SRRM2: variants seen among roughly 807,000 people sequenced by gnomAD.
The protein encoded by SRRM2 is serine/arginine repetitive matrix 2.
SRRM2 carries 30 observed loss-of-function variants against 213.8 expected under a neutral mutation model. The observed-to-expected ratio is 0.14, with a 90% CI of 0.10 to 0.19. SRRM2 has a LOEUF of 0.19. Among genes scored for constraint, SRRM2 ranks in the 10% least tolerant of loss-of-function variants. The pLI, the probability that SRRM2 is intolerant of heterozygous loss-of-function variation, is 1.00. For missense variants in SRRM2, 4,904 were observed against 3,647.0 expected, an observed-to-expected ratio of 1.34 and a Z score of -8.88; for synonymous variants, 2,025 against 1,377.7, an observed-to-expected ratio of 1.47 and a Z score of -10.40.
At chr16:2,759,974 TC>T in intron 9 of SRRM2, 5 of 531,790 alleles carry the variant, frequency 9.4e-6, no homozygotes, top group African/African-American at 1.9e-5. Context: ...GCTTCCTTAA[TC>T]GGGGAAGGCT....
At chr16:2,769,428 C>T in intron 12 of SRRM2, 144 bp downstream of exon 12, 1 of 954,086 alleles carries the variant, frequency 1.0e-6, no homozygotes, top group Non-Finnish European at 1.6e-6. Flanking sequence ...GCTCTCCTCT[C>T]CCCATGCTCG....
chr16:2,768,512 A>G, intron 11 of SRRM2: 1 of 686,420 alleles, frequency 1.5e-6, no homozygotes, highest in Non-Finnish European at 2.7e-6. Flanking sequence ...CAGAGGACAG[A>G]ACTAGAGGAA....
intron 14 of SRRM2, 25 bp from the exon 15 acceptor site, chr16:2,770,833 T>C: frequency 1.2e-6 from 2 of 1,614,016 alleles, no homozygotes; most frequent in Non-Finnish European, 1.7e-6. Context: ...GGGAACTCCC[T>C]GTTGACCCAT....
Position 2,766,643 on chromosome 16 carries a change from C to G in SRRM2, c.6115C>G (p.Arg2039Gly). ...TAGATCTCGAACGCCACTGTTACCACGCAAACGTTCTCGAAGTCGCTCACC... is the reference window on the plus strand; with the variant it reads ...TAGATCTCGAACGCCACTGTTACCAGGCAAACGTTCTCGAAGTCGCTCACC... ...RSRSRTPLLP[R>G]KRSRSRSPLA... The change falls in exon 11 of 15, where the codon CGC (arginine) becomes GGC (glycine). Residue 2039 changes from arginine to glycine, a missense_variant. Arg to Gly is a moderately radical substitution (Grantham distance 125). Transcript: ENST00000301740. This position sits in a 1 kb window ranked among gnomAD's most constrained non-coding sequence, Gnocchi z 7.0. The G allele has an allele frequency of 6.2e-7, 1 of 1,613,830 alleles. No homozygotes were observed. Among genetic ancestry groups the G allele is most frequent in the South Asian group, 1.1e-5 (1 of 91,064 alleles).
chr16:2,757,103 T>C (rs1021220081), intron 2 of SRRM2, among the ~76,000 whole-genome samples: 7 of 152,286 alleles, frequency 4.6e-5, no homozygotes, highest in Middle Eastern at 6.8e-3. Context: ...GAAAACTCTT[T>C]TAGAGCAGTG....
chr16:2,756,723 G>C, intron 2 of SRRM2, 117 bp downstream of exon 2: 1 of 1,403,884 alleles, frequency 7.1e-7, no homozygotes, highest in African/African-American at 1.4e-5. Context: ...GTTGTGGTAG[G>C]GGAGGAGGCA....
Position 2,756,437 on chromosome 16 carries a change from C to T in SRRM2, c.73C>T (p.Leu25=), listed in dbSNP as rs751358227. The T allele has an allele frequency of 3.7e-6, 6 of 1,612,758 alleles. No individual in the cohort carries two copies. The highest frequency in any genetic ancestry group is 5.1e-6 in the Non-Finnish European group (6 of 1,179,500). The change falls in exon 2 of 15, where the codon CTG becomes TTG. Residue 25 remains leucine (L), a synonymous_variant. Transcript: ENST00000301740. ...CGGCTACGTCCAGCGCAACCTGTCC[C>T]TGGTGCGGGGCCGCCGGGGTGAGCG... ...TNGYVQRNLS[L]VRGRRGERPD...
Position 2,769,195 on chromosome 16 carries a change from G to A in SRRM2, c.7932G>A (p.Ser2644=), listed in dbSNP as rs150110237. 5.0e-6 allele frequency: 8 copies of A among 1,606,556 alleles called. No homozygotes were observed. Among genetic ancestry groups the A allele is most frequent in the East Asian group, 2.2e-5 (1 of 44,828 alleles). The change falls in exon 12 of 15, where the codon TCG becomes TCA. Residue 2644 remains serine (S), a synonymous_variant. Coordinates refer to ENST00000301740, the MANE Select transcript of SRRM2 (RefSeq NM_016333.4). ...SSSSSSSSSS[S]SSSSPSPAKP... is the part of the protein sequence containing the mutation. The stretch of plus-strand genomic sequence containing the variant: ...CTTCCTCCTCATCTTCCTCCTCCTC[G>A]TCGTCTTCCTCCCCTTCCCCTGCTA...
At chr16:2,768,324 G>C (rs2068617468) in intron 11 of SRRM2, 63 bp downstream of exon 11, 1 of 1,492,668 alleles carries the variant, frequency 6.7e-7, no homozygotes, top group Non-Finnish European at 8.9e-7. Context: ...GTTGGGGAGT[G>C]GGGAGGGAGA....
chr16:2,763,958 T>G lies in SRRM2; in HGVS notation c.3430T>G (p.Ser1144Ala). The change falls in exon 11 of 15, where the codon TCA (serine) becomes GCA (alanine). Residue 1144 changes from serine (S) to alanine (A), a missense_variant. Transcript: ENST00000301740. The part of the protein sequence containing the change: ...EQSRFQSDSS[S>A]YPTVDSNSLL... ...GAGCAGGTTCCAGTCTGACTCTTCT[T>G]CATATCCTACAGTGGACTCGAATTC... is the stretch of plus-strand genomic sequence containing the variant. 4 of 1,614,182 alleles carry G rather than the reference T, an allele frequency of 2.5e-6. No individual in the cohort carries two copies. Among genetic ancestry groups the G allele is most frequent in the Non-Finnish European group, 2.5e-6 (3 of 1,180,032 alleles).
rs563476369 is a variant in SRRM2 at position 2,760,404 on chromosome 16, C to T, written c.937C>T (p.Pro313Ser). 19 of 1,614,020 alleles carry T rather than the reference C, an allele frequency of 1.2e-5. No individual in the cohort carries two copies. In the Admixed American group the frequency reaches 1.8e-4, roughly 16 times the overall value. Reference sequence around the variant, plus strand: ...GGAGGGAGATGCGCCTTTCAGTGAACCAGGTACTACCAGCACACAACGGCC... The same window carrying T: ...GGAGGGAGATGCGCCTTTCAGTGAATCAGGTACTACCAGCACACAACGGCC... ...RGEGDAPFSE[P>S]GTTSTQRPSS... The change falls in exon 10 of 15, where the codon CCA becomes TCA. Residue 313 changes from proline (P) to serine (S), a missense_variant. Pro to Ser is a moderately conservative substitution (Grantham distance 74). Coordinates refer to ENST00000301740, the MANE Select transcript of SRRM2 (RefSeq NM_016333.4).
At position 2,768,028 on chromosome 16, in the gene SRRM2, G is replaced by A. The variant is rs1208996879; in HGVS notation, c.7500G>A (p.Gly2500=). ...GCATGCTCTCTGTCCCTGCCCCTGG[G>A]GTGCCCCACTCTGATGTGGGGGAGC... The part of the protein sequence containing the change: ...HNGMLSVPAP[G]VPHSDVGEPP... Residue 2500 remains glycine (G), a synonymous_variant, in exon 11 of 15, where the codon GGG becomes GGA. Transcript: ENST00000301740. 4 of 1,614,048 alleles carry A rather than the reference G, an allele frequency of 2.5e-6. No homozygotes were observed. Among genetic ancestry groups the A allele is most frequent in the East Asian group, 4.5e-5 (2 of 44,902 alleles).
chr16:2,766,281 T>C lies in SRRM2; in HGVS notation c.5753T>C (p.Val1918Ala). ...RRRSRSRASP[V>A]SRRRSRSRTP... is the part of the protein sequence containing the mutation. ...AGATCCCGGTCAAGAGCATCCCCAG[T>C]GAGCAGAAGGCGATCCAGATCCAGA... is the stretch of plus-strand genomic sequence containing the variant. The change falls in exon 11 of 15, where the codon GTG (valine) becomes GCG (alanine). Residue 1918 changes from valine to alanine, a missense_variant. Val to Ala is a moderately conservative substitution (Grantham distance 64). Transcript: ENST00000301740. This position sits in a 1 kb window ranked among gnomAD's most constrained non-coding sequence, Gnocchi z 7.0. 6.2e-7 allele frequency: 1 copy of C among 1,614,054 alleles called. No individual in the cohort carries two copies. Among genetic ancestry groups the C allele is most frequent in the Non-Finnish European group, 8.5e-7 (1 of 1,180,008 alleles).
chr16:2,758,782 C>G, intron 5 of SRRM2: 1 of 702,554 alleles, frequency 1.4e-6, no homozygotes. Context: ...CTGGAATTTT[C>G]TTTTTCATTT....
chr16:2,768,813 T>C, intron 11 of SRRM2, 184 bp from the exon 12 acceptor site: 2 of 1,213,484 alleles, frequency 1.6e-6, no homozygotes, highest in Non-Finnish European at 2.3e-6. Context: ...CTGTTGCTTC[T>C]GTTAGCAGAG....
chr16:2,762,464 A>T lies in SRRM2; in HGVS notation c.1936A>T (p.Arg646Trp). 6.2e-7 allele frequency: 1 copy of T among 1,613,684 alleles called. No individual in the cohort carries two copies. The highest frequency in any genetic ancestry group is 8.5e-7 in the Non-Finnish European group (1 of 1,179,906). The part of the protein sequence containing the change: ...RSRSPARRSG[R>W]SRSRTPARRG... ...TAGATCACCAGCCAGGAGAAGTGGC[A>T]GGTCACGCTCTAGAACCCCAGCTAG... The change falls in exon 11 of 15, where the codon AGG (arginine) becomes TGG (tryptophan). Residue 646 changes from arginine to tryptophan, a missense_variant. Arg to Trp is a moderately radical substitution (Grantham distance 101, BLOSUM62 -3). Coordinates refer to ENST00000301740, the MANE Select transcript of SRRM2 (RefSeq NM_016333.4).
Position 2,766,922 on chromosome 16 carries a change from T to A in SRRM2, c.6394T>A (p.Ser2132Thr). ...MSPTPLDRCR[S>T]PGMLEPLGSS... ...CCCAACACCTCTTGATCGCTGCAGA[T>A]CACCTGGAATGCTTGAACCCCTTGG... The change falls in exon 11 of 15, where the codon TCA becomes ACA. Residue 2132 changes from serine to threonine, a missense_variant. By Grantham distance (58) the Ser-to-Thr change is moderately conservative. Coordinates refer to ENST00000301740, the MANE Select transcript of SRRM2 (RefSeq NM_016333.4). This position sits in a 1 kb window ranked among gnomAD's most constrained non-coding sequence, Gnocchi z 7.0. The A allele has an allele frequency of 6.2e-7, 1 of 1,614,122 alleles. No homozygotes were observed. The highest frequency in any genetic ancestry group is 8.5e-7 in the Non-Finnish European group (1 of 1,180,024).
In SRRM2 at chr16:2,763,629, C is replaced by T. The variant is rs750137156; in HGVS notation, c.3101C>T (p.Ser1034Phe). 14 of 1,614,078 alleles carry T rather than the reference C, an allele frequency of 8.7e-6. No individual in the cohort carries two copies. In the East Asian group the frequency reaches 2.4e-4, roughly 28 times the overall value. Residue 1034 changes from serine to phenylalanine, a missense_variant, in exon 11 of 15, where the codon TCT becomes TTT. By Grantham distance (155) the Ser-to-Phe change is radical (BLOSUM62 -2). Transcript: ENST00000301740. Reference protein sequence around the residue: ...SLVQSCPGSLSLCAGVKSSTP... With the variant: ...SLVQSCPGSLFLCAGVKSSTP... ...GTTCAAAGTTGCCCTGGATCCCTCT[C>T]TCTCTGTGCAGGAGTAAAATCTAGC...
In SRRM2 at chr16:2,767,842, T is replaced by C; in HGVS notation, c.7314T>C (p.Ser2438=). ...SSRMGQAPSQ[S]LLPPAQDQPR... is the part of the protein sequence containing the mutation. ...GAATGGGCCAGGCTCCTTCACAGTC[T>C]CTTCTCCCTCCAGCACAGGATCAGC... is the stretch of plus-strand genomic sequence containing the variant. Residue 2438 remains serine (S), a synonymous_variant, in exon 11 of 15, where the codon TCT becomes TCC. Transcript: ENST00000301740. The C allele has an allele frequency of 6.2e-7, 1 of 1,614,046 alleles. No homozygotes were observed. Among genetic ancestry groups the C allele is most frequent in the Non-Finnish European group, 8.5e-7 (1 of 1,179,986 alleles).
Sources: allele counts gnomAD v4.1 joint callset (sites outside exome capture counted in the v4.1 genomes callset), GRCh38; gene constraint gnomAD v4.1.1; non-coding constraint Gnocchi (gnomAD v3.1); transcripts MANE v1.5; gene names NCBI Gene and HGNC (gene_info 2026-07-23, HGNC 2026-07-21).